MIF4GD: variants seen among roughly 807,000 people sequenced by gnomAD.
MIF4GD encodes the protein MIF4G domain-containing protein.
MIF4GD carries 22 observed loss-of-function variants against 26.7 expected under a neutral mutation model. That is an observed-to-expected ratio of 0.82 (90% CI 0.59 to 1.18). The LOEUF (loss-of-function observed/expected upper bound fraction) is 1.18, where lower values mean the gene tolerates loss of function less well. MIF4GD is among the 50% of genes most tolerant of loss of function. The pLI, the probability that MIF4GD is intolerant of heterozygous loss-of-function variation, is 0.00. For missense variants in MIF4GD, 262 were observed against 279.6 expected, an observed-to-expected ratio of 0.94 and a Z score of 0.45; for synonymous variants, 137 against 111.6, an observed-to-expected ratio of 1.23 and a Z score of -1.43.
rs1343880541 is a variant in MIF4GD at position 75,270,136 on chromosome 17, C to T, written c.60G>A (p.Gln20=). 6.2e-7 allele frequency: 1 copy of T among 1,614,106 alleles called. No individual in the cohort carries two copies. Among genetic ancestry groups the T allele is most frequent in the Admixed American group, 1.7e-5 (1 of 60,018 alleles). Residue 20 remains glutamine (Q), a synonymous_variant, in exon 2 of 6, where the codon CAG becomes CAA. Transcript: ENST00000325102. This position sits in a 1 kb window ranked among gnomAD's most constrained non-coding sequence, Gnocchi z 5.7. ...CACCTTTGAGTGCTGTCTTCAGCAG[C>T]TGCTGGGTCTCTGCATCAAAGGACT... is the stretch of plus-strand genomic sequence containing the variant. ...KIQSFDAETQ[Q]LLKTALKDPG... is the part of the protein sequence containing the mutation.
At position 75,266,904 on chromosome 17, in the gene MIF4GD, G is replaced by T. The variant is rs749267112; in HGVS notation, c.505C>A (p.Arg169Ser). Reference sequence around the variant, plus strand: ...ATCAGCACAAAGAGCTCATCCATGCGCTGCCCATTCATTTTCTCCAGCTGC... The same window carrying T: ...ATCAGCACAAAGAGCTCATCCATGCTCTGCCCATTCATTTTCTCCAGCTGC... ...GEQLEKMNGQ[R>S]MDELFVLIRD... The change falls in exon 6 of 6, where the codon CGC becomes AGC. Residue 169 changes from arginine (R) to serine (S), a missense_variant. Coordinates refer to ENST00000325102, the MANE Select transcript of MIF4GD (RefSeq NM_001370592.1). 14 of 1,614,178 alleles carry T rather than the reference G, an allele frequency of 8.7e-6. No homozygotes were observed. Among genetic ancestry groups the T allele is most frequent in the Non-Finnish European group, 1.1e-5 (13 of 1,180,040 alleles).
chr17:75,270,242 G>A lies in MIF4GD; in HGVS notation c.-47C>T. Reference sequence around the variant, plus strand: ...CTTGACTGGGCTGGGAATAAGGACAGCACCTGAGGAGAAGAGGCGAAGGGA... The same window carrying A: ...CTTGACTGGGCTGGGAATAAGGACAACACCTGAGGAGAAGAGGCGAAGGGA... On this transcript the variant is annotated 5_prime_UTR_variant, in exon 2 of 6. Coordinates refer to ENST00000325102, the MANE Select transcript of MIF4GD (RefSeq NM_001370592.1). This position sits in a 1 kb window ranked among gnomAD's most constrained non-coding sequence, Gnocchi z 5.7. 1 of 1,523,676 alleles carries A rather than the reference G, an allele frequency of 6.6e-7. No individual in the cohort carries two copies. The highest frequency in any genetic ancestry group is 1.4e-5 in the African/African-American group (1 of 73,208). 94.4% of individuals were successfully genotyped at this position (1,523,676 alleles called of 1,614,324 possible).
rs775431354 is a variant in MIF4GD, at chr17:75,267,797, C to T, written c.297G>A (p.Gln99=). 179 of 1,613,952 alleles carry T rather than the reference C, an allele frequency of 1.1e-4. No homozygotes were observed. Among genetic ancestry groups the T allele is most frequent in the Middle Eastern group, 1.6e-4 (1 of 6,084 alleles). The change falls in exon 4 of 6, where the codon CAG becomes CAA. Residue 99 remains glutamine (Q), a synonymous_variant. Coordinates refer to ENST00000325102, the MANE Select transcript of MIF4GD (RefSeq NM_001370592.1). ...AREQLRARSL[Q]GWVCYVTFIC... ...TAAAGGTGACATAGCAGACCCAGCC[C>T]TGCAGGGAGCGTGCTCGCAGCTGCT...
At chr17:75,269,373 G>C in intron 2 of MIF4GD, 1 of 1,614,082 alleles carries the variant, frequency 6.2e-7, no homozygotes, top group Non-Finnish European at 8.5e-7. Flanking sequence ...ACAGCGGGAA[G>C]GCATCAGGCG....
chr17:75,268,063 T>C lies in MIF4GD; in HGVS notation c.192+20A>G, dbSNP rs1252633403. The C allele has an allele frequency of 1.2e-6, 2 of 1,613,082 alleles. No individual in the cohort carries two copies. Among genetic ancestry groups the C allele is most frequent in the Non-Finnish European group, 1.7e-6 (2 of 1,179,034 alleles). Reference sequence around the variant, plus strand: ...AGCACCTTCCTCAAAGCAGCTTCCTTTCCTCTCCCAACCCCCAACCTGAAT... The same window carrying C: ...AGCACCTTCCTCAAAGCAGCTTCCTCTCCTCTCCCAACCCCCAACCTGAAT... On this transcript the variant is annotated intron_variant, in intron 3 of 5. Coordinates refer to ENST00000325102, the MANE Select transcript of MIF4GD (RefSeq NM_001370592.1).
chr17:75,268,689 GAAAAA>G (rs1567823944), intron 2 of MIF4GD, among the ~76,000 whole-genome samples: 1 of 138,394 alleles, frequency 7.2e-6, no homozygotes, highest in Non-Finnish European at 1.6e-5. Context: ...AAAAAAAAAA[GAAAAA>G]AATAAAAGAA....
Position 75,270,804 on chromosome 17 carries a change from G to C in MIF4GD, c.-51+340C>G, listed in dbSNP as rs1323467771. ...GCGCCCTGTCCGCCGCCCCTGCCGG[G>C]AGCAGCCTGAACTCCCCAGACCCGT... is the stretch of plus-strand genomic sequence containing the variant. On this transcript the variant is annotated intron_variant, in intron 1 of 5. Transcript: ENST00000325102. This position sits in a 1 kb window ranked among gnomAD's most constrained non-coding sequence, Gnocchi z 5.7. 1 of 155,468 alleles carries C rather than the reference G, an allele frequency of 6.4e-6. No individual in the cohort carries two copies. Among genetic ancestry groups the C allele is most frequent in the Non-Finnish European group, 1.4e-5 (1 of 70,088 alleles). The allele number at this position is 155,468 out of a possible 1,614,324, so 9.6% of individuals were successfully genotyped here. A position where few individuals can be genotyped will look rare whatever the true frequency, so the allele number is the denominator to read the frequency against.
chr17:75,270,234 T>G lies in MIF4GD; in HGVS notation c.-39A>C, dbSNP rs533766177. On this transcript the variant is annotated 5_prime_UTR_variant, in exon 2 of 6. Transcript: ENST00000325102. This position sits in a 1 kb window ranked among gnomAD's most constrained non-coding sequence, Gnocchi z 5.7. ...CGGTAGCTCTTGACTGGGCTGGGAATAAGGACAGCACCTGAGGAGAAGAGG... is the reference window on the plus strand; with the variant it reads ...CGGTAGCTCTTGACTGGGCTGGGAAGAAGGACAGCACCTGAGGAGAAGAGG... 15 of 1,555,054 alleles carry G rather than the reference T, an allele frequency of 9.6e-6. No individual in the cohort carries two copies. The South Asian group carries it at 1.6e-4, about 16-fold the overall frequency.
rs932610169 is a variant in MIF4GD at position 75,266,650 on chromosome 17, A to G, written c.*90T>C. On this transcript the variant is annotated 3_prime_UTR_variant, in exon 6 of 6. Coordinates refer to ENST00000325102, the MANE Select transcript of MIF4GD (RefSeq NM_001370592.1). ...AGACACTCAAAGTCTGGAAGGGAAAAGTCTTTGGGTGAGGCAGAGACTCCA... is the reference window on the plus strand; with the variant it reads ...AGACACTCAAAGTCTGGAAGGGAAAGGTCTTTGGGTGAGGCAGAGACTCCA... The G allele has an allele frequency of 6.2e-5, 76 of 1,220,264 alleles. No individual in the cohort carries two copies. The highest frequency in any genetic ancestry group is 3.2e-4 in the Admixed American group (18 of 56,942). The allele number at this position is 1,220,264 out of a possible 1,614,324, so 75.6% of individuals were successfully genotyped here.
chr17:75,266,550 G>C lies in MIF4GD; in HGVS notation c.*190C>G. The C allele has an allele frequency of 1.6e-6, 1 of 626,150 alleles. No individual in the cohort carries two copies. The highest frequency in any genetic ancestry group is 2.8e-6 in the Non-Finnish European group (1 of 356,550). 38.8% of individuals were successfully genotyped at this position (626,150 alleles called of 1,614,324 possible). A position where few individuals can be genotyped will look rare whatever the true frequency, so the allele number is the denominator to read the frequency against. Reference sequence around the variant, plus strand: ...TGCCTGGCCGTGGTGGGTTGTGGTGGGGAAAGGGGCTCAGGGCAGGACCAC... The same window carrying C: ...TGCCTGGCCGTGGTGGGTTGTGGTGCGGAAAGGGGCTCAGGGCAGGACCAC... On this transcript the variant is annotated 3_prime_UTR_variant, in exon 6 of 6. Coordinates refer to ENST00000325102, the MANE Select transcript of MIF4GD (RefSeq NM_001370592.1).
chr17:75,269,860 T>A (rs1444616679), intron 2 of MIF4GD, among the ~76,000 whole-genome samples: 1 of 150,496 alleles, frequency 6.6e-6, no homozygotes, highest in African/African-American at 2.4e-5. Flanking sequence ...ACTACAGACA[T>A]GAGCCACTGC....
chr17:75,267,712 T>C, intron 4 of MIF4GD, 34 bp downstream of exon 4: 4 of 1,612,310 alleles, frequency 2.5e-6, no homozygotes, highest in African/African-American at 1.3e-5. Context: ...AAACAGGCCA[T>C]GTCTGCCTCC....
At chr17:75,269,413 C>T (rs777781853) in intron 2 of MIF4GD, 1 of 1,614,094 alleles carries the variant, frequency 6.2e-7, no homozygotes, top group Non-Finnish European at 8.5e-7. Context: ...CTCTGGCAAA[C>T]GGAATATTCT....
Position 75,266,820 on chromosome 17 carries a change from CCAG to C in MIF4GD, c.586_588del (p.Leu196del), listed in dbSNP as rs1303816467. The C allele has an allele frequency of 6.2e-7, 1 of 1,614,186 alleles. No homozygotes were observed. The highest frequency in any genetic ancestry group is 8.5e-7 in the Non-Finnish European group (1 of 1,180,022). ...CCGGCCGCCCGGAACTCAATGATCT[CCAG>C]CAGCAGCAGCTGGGCCAGGGAGCTG... On this transcript the variant is annotated inframe_deletion, in exon 6 of 6. Coordinates refer to ENST00000325102, the MANE Select transcript of MIF4GD (RefSeq NM_001370592.1).
intron 4 of MIF4GD, 33 bp from the exon 5 acceptor site, chr17:75,267,663 C>T: frequency 6.2e-7 from 1 of 1,613,876 alleles, no homozygotes; most frequent in South Asian, 1.1e-5. Context: ...GAGCACCAGG[C>T]TTAGTGGCCA....
At position 75,268,671 on chromosome 17, in the gene MIF4GD, CAAAAAAAAAAAA is replaced by C. The variant is rs1192409186; in HGVS notation, c.83-491_83-480del. Among the ~76,000 whole-genome samples the C allele has an allele frequency of 4.3e-3, 206 of 47,868 alleles. 1 individual carries two copies. Among genetic ancestry groups the C allele is most frequent in the African/African-American group, 0.014 (199 of 14,138 alleles). The allele number at this position is 47,868 out of a possible 152,430, so 31.4% of individuals were successfully genotyped here. A position where few individuals can be genotyped will look rare whatever the true frequency, so the allele number is the denominator to read the frequency against. ...TGGGCGACAAAGCAAGACTCCGTCT[CAAAAAAAAAAAA>C]AAAAAGAAAAAAATAAAAGAAATCA... On this transcript the variant is annotated intron_variant, in intron 2 of 5. Transcript: ENST00000325102.
chr17:75,270,010 G>T lies in MIF4GD; in HGVS notation c.82+104C>A. 1.1e-6 allele frequency: 1 copy of T among 907,762 alleles called. No homozygotes were observed. The highest frequency in any genetic ancestry group is 1.8e-6 in the Non-Finnish European group (1 of 564,978). 56.2% of individuals were successfully genotyped at this position (907,762 alleles called of 1,614,324 possible). The stretch of plus-strand genomic sequence containing the variant: ...TTGCCGACTCCTATCGTCAGAGAAT[G>T]AGGGGAGGGGTGGAGGCATTCACCA... On this transcript the variant is annotated intron_variant, in intron 2 of 5. Transcript: ENST00000325102. The surrounding 1 kb of genome is among the most constrained non-coding windows in gnomAD (Gnocchi z 5.7).
At chr17:75,268,992 G>A (rs190807579) in intron 2 of MIF4GD, among the ~76,000 whole-genome samples, 4 of 150,852 alleles carry the variant, frequency 2.7e-5, no homozygotes, top group Admixed American at 6.6e-5. Context: ...CAAGAAGAGC[G>A]AAACTGTCTC....
chr17:75,266,820 C>CCAG lies in MIF4GD; in HGVS notation c.586_588dup (p.Leu196dup). ...CCGGCCGCCCGGAACTCAATGATCT[C>CCAG]CAGCAGCAGCAGCTGGGCCAGGGAG... On this transcript the variant is annotated inframe_insertion, in exon 6 of 6. Coordinates refer to ENST00000325102, the MANE Select transcript of MIF4GD (RefSeq NM_001370592.1). 2 of 1,614,192 alleles carry CCAG rather than the reference C, an allele frequency of 1.2e-6. No homozygotes were observed. The highest frequency in any genetic ancestry group is 2.2e-5 in the East Asian group (1 of 44,892).
Sources: gnomAD v4.1 joint callset for allele counts (sites outside exome capture counted in the v4.1 genomes callset) on GRCh38, gnomAD v4.1.1 for gene constraint, Gnocchi (gnomAD v3.1) non-coding constraint, MANE v1.5 for transcripts, NCBI Gene and HGNC (gene_info 2026-07-23, HGNC 2026-07-21) for gene names.